The following NOTCH2NLC variants were observed in gnomAD, a reference collection of about 807,000 sequenced individuals.
NOTCH2NLC encodes notch homolog 2 N-terminal-like protein C.
A neutral mutation model predicts 17.7 loss-of-function variants in NOTCH2NLC; 4 were observed. That is an observed-to-expected ratio of 0.23 (90% CI 0.11 to 0.52). NOTCH2NLC has a LOEUF of 0.52. NOTCH2NLC is among the 20% of genes least tolerant of loss of function. The probability of loss-of-function intolerance (pLI) is 0.96; values close to 1 mark genes in which losing one functional copy is unlikely to be tolerated. For synonymous variants in NOTCH2NLC, 18 were observed against 86.0 expected (o/e 0.21, Z 4.38); for missense variants, 57 against 207.2 (o/e 0.28, Z 4.45).
chr1:149,432,491 C>T (rs2084458589), intron 2 of NOTCH2NLC, among the ~76,000 whole-genome samples: 1 of 151,038 alleles, frequency 6.6e-6, no homozygotes, highest in African/African-American at 2.4e-5. Flanking sequence ...GGTGCATTCT[C>T]CTCTAAGAAT....
intron 1 of NOTCH2NLC, among the ~76,000 whole-genome samples, chr1:149,399,207 G>A (rs1265863978): frequency 6.6e-6 from 1 of 151,026 alleles, no homozygotes; most frequent in East Asian, 1.9e-4. Flanking sequence ...ATTGTTGTTT[G>A]CTTCTTTTTC....
chr1:149,423,394 C>CA (rs1445733047), intron 1 of NOTCH2NLC, among the ~76,000 whole-genome samples: 2 of 151,344 alleles, frequency 1.3e-5, no homozygotes, highest in Non-Finnish European at 3.0e-5. Flanking sequence ...GGCTTGGTCC[C>CA]AAAAAATGGA....
At chr1:149,454,856 A>G (rs1198984892) in intron 2 of NOTCH2NLC, among the ~76,000 whole-genome samples, 19 of 146,954 alleles carry the variant, frequency 1.3e-4, no homozygotes, top group Admixed American at 7.6e-4. Context: ...CATATTTTAA[A>G]TTGGAGGGGA....
Position 149,390,851 on chromosome 1 carries a change from G to A in NOTCH2NLC, c.64G>A (p.Asp22Asn), listed in dbSNP as rs1218569118. ...CGGCGGAGGAGGCGGCGACCGAGAA[G>A]ATGCCCGCCCTGCGCCGCTCTGCTG... ...GGGGGGGDRE[D>N]ARPAPLCCGR... Residue 22 changes from aspartate (D) to asparagine (N), a missense_variant, in exon 1 of 5, where the codon GAT (aspartate) becomes AAT (asparagine). This residue lies in a region of NOTCH2NLC where 25 missense variants were observed against 27.0 expected (regional missense o/e 0.93). Coordinates refer to ENST00000650865, the MANE Select transcript of NOTCH2NLC (RefSeq NM_001364013.2). The A allele has an allele frequency of 2.9e-6, 4 of 1,382,030 alleles. No individual in the cohort carries two copies. In the East Asian group the frequency reaches 1.2e-4, roughly 43 times the overall value. 85.6% of individuals were successfully genotyped at this position (1,382,030 alleles called of 1,614,324 possible).
At chr1:149,423,238 CT>C (rs1370372154) in intron 1 of NOTCH2NLC, among the ~76,000 whole-genome samples, 5 of 148,906 alleles carry the variant, frequency 3.4e-5, no homozygotes, top group African/African-American at 1.2e-4. Flanking sequence ...TCTCTTATTG[CT>C]TTTTTTTGGG....
At chr1:149,445,881 G>A (rs1249087337) in intron 2 of NOTCH2NLC, among the ~76,000 whole-genome samples, 3 of 106,146 alleles carry the variant, frequency 2.8e-5, no homozygotes, top group African/African-American at 1.1e-4. Context: ...GTTTTTTTTT[G>A]AATGGCCAAA....
intron 1 of NOTCH2NLC, among the ~76,000 whole-genome samples, chr1:149,428,932 G>A (rs2084427910): frequency 6.7e-6 from 1 of 148,272 alleles, no homozygotes; most frequent in African/African-American, 2.5e-5. Context: ...AACCCCGGAA[G>A]TTCTCACTGA....
chr1:149,412,607 C>G (rs1473593730), intron 1 of NOTCH2NLC, among the ~76,000 whole-genome samples: 3 of 145,086 alleles, frequency 2.1e-5, no homozygotes, highest in Non-Finnish European at 3.0e-5. Flanking sequence ...ATCAGGAGTT[C>G]AAGACCAGCC....
At chr1:149,399,332 G>T in intron 1 of NOTCH2NLC, among the ~76,000 whole-genome samples, 1 of 143,572 alleles carries the variant, frequency 7.0e-6, no homozygotes, top group Non-Finnish European at 1.5e-5. Context: ...TTGTTCTATT[G>T]GTATACCTAA....
intron 1 of NOTCH2NLC, among the ~76,000 whole-genome samples, chr1:149,414,621 A>C: frequency 6.6e-6 from 1 of 150,792 alleles, no homozygotes; most frequent in South Asian, 2.1e-4. Context: ...CCATGTATGC[A>C]TATGTTAACT....
At chr1:149,463,217 C>T (rs1423632001) in intron 3 of NOTCH2NLC, among the ~76,000 whole-genome samples, 7 of 149,880 alleles carry the variant, frequency 4.7e-5, no homozygotes, top group South Asian at 4.2e-4. Context: ...TTGCTGATAG[C>T]GTCCTGCAGG....
intron 3 of NOTCH2NLC, among the ~76,000 whole-genome samples, chr1:149,460,895 CTTTCTTTCTTTCTTTCTTTCTCTCTCTT>C (rs1357878532): frequency 7.8e-5 from 9 of 115,646 alleles, no homozygotes; most frequent in East Asian, 5.4e-4. Flanking sequence ...TTCTTTCTTT[CTTTCTTTCTTTCTTTCTTTCTCTCTCTT>C]TCTCTCTTTC....
intron 2 of NOTCH2NLC, among the ~76,000 whole-genome samples, chr1:149,442,190 T>G (rs1187619787): frequency 6.7e-6 from 1 of 148,788 alleles, no homozygotes; most frequent in Non-Finnish European, 1.5e-5. Context: ...TTCTATCCCT[T>G]TTAAACACAA....
chr1:149,393,094 A>AT (rs1416803670), intron 1 of NOTCH2NLC, among the ~76,000 whole-genome samples: 4 of 147,430 alleles, frequency 2.7e-5, no homozygotes, highest in South Asian at 2.1e-4. Flanking sequence ...AAAAAAAAAA[A>AT]GTATTAAATA....
chr1:149,421,620 TACAAG>T (rs1343704666), intron 1 of NOTCH2NLC, among the ~76,000 whole-genome samples: 2 of 109,086 alleles, frequency 1.8e-5, no homozygotes, highest in African/African-American at 7.4e-5. Flanking sequence ...GAACAGATAA[TACAAG>T]ATATAAGACA....
At position 149,470,150 on chromosome 1, in the gene NOTCH2NLC, C is replaced by A. The variant is rs2084708175; in HGVS notation, c.*5997C>A. On this transcript the variant is annotated 3_prime_UTR_variant, in exon 5 of 5. Coordinates refer to ENST00000650865, the MANE Select transcript of NOTCH2NLC (RefSeq NM_001364013.2). ...CTGTTTCAGTACTTATTCCTACTTA[C>A]TAGCCGTTTAATCTTGGTCAAGTCA... Among the ~76,000 whole-genome samples, 1 of 151,296 alleles carries A rather than the reference C, an allele frequency of 6.6e-6. No homozygotes were observed. Among genetic ancestry groups the A allele is most frequent in the African/African-American group, 2.4e-5 (1 of 41,284 alleles).
At chr1:149,419,406 G>A (rs2084365884) in intron 1 of NOTCH2NLC, among the ~76,000 whole-genome samples, 1 of 150,330 alleles carries the variant, frequency 6.7e-6, no homozygotes, top group East Asian at 2.0e-4. Context: ...TTCCAATATG[G>A]TCACTTAATA....
chr1:149,432,526 G>A (rs1357530300), intron 2 of NOTCH2NLC, among the ~76,000 whole-genome samples: 7 of 151,020 alleles, frequency 4.6e-5, no homozygotes, highest in Middle Eastern at 3.2e-3. Context: ...AGATAATAAG[G>A]GAGGGAACTT....
intron 1 of NOTCH2NLC, among the ~76,000 whole-genome samples, chr1:149,400,139 A>ATATATATTTTTT (rs1570899101): frequency 7.6e-6 from 1 of 131,974 alleles, no homozygotes; most frequent in African/African-American, 2.8e-5. Context: ...TATAATATAT[A>ATATATATTTTTT]TTTTTTTTTT....
Sources: gnomAD v4.1 joint callset for allele counts (sites outside exome capture counted in the v4.1 genomes callset) on GRCh38, gnomAD v4.1.1 for gene constraint, gnomAD v4.1.1 regional missense constraint, MANE v1.5 for transcripts, NCBI Gene and HGNC (gene_info 2026-07-23, HGNC 2026-07-21) for gene names.